GNA14: variants seen among roughly 807,000 people sequenced by gnomAD.
GNA14 encodes G protein subunit alpha 14.
GNA14 carries 50 observed loss-of-function variants against 42.0 expected under a neutral mutation model. That is an observed-to-expected ratio of 1.19 (90% CI 0.95 to 1.51). GNA14 has a LOEUF of 1.51. Ranked by LOEUF, GNA14 falls within the 40% of genes most tolerant of loss-of-function variation. GNA14 has a pLI of 0.00. For missense variants in GNA14, 473 were observed against 446.2 expected (o/e 1.06, Z -0.54); for synonymous variants, 173 against 163.1 (o/e 1.06, Z -0.46).
chr9:77,529,109 A>C lies in GNA14; in HGVS notation c.269T>G (p.Met90Arg). Residue 90 changes from methionine to arginine, a missense_variant, in exon 2 of 7, where the codon ATG becomes AGG. Coordinates refer to ENST00000341700, the MANE Select transcript of GNA14 (RefSeq NM_004297.4). ...FTAMQAMIRAMDTLRIQYVCE... is the reference protein window; with the variant it reads ...FTAMQAMIRARDTLRIQYVCE... Reference sequence around the variant, plus strand: ...CACATACTGTATCCTTAGCGTGTCCATCGCTCTGATCATGGCTTGCATGGC... The same window carrying C: ...CACATACTGTATCCTTAGCGTGTCCCTCGCTCTGATCATGGCTTGCATGGC... The C allele has an allele frequency of 1.2e-6, 2 of 1,614,206 alleles. No homozygotes were observed. The highest frequency in any genetic ancestry group is 1.7e-6 in the Non-Finnish European group (2 of 1,180,012).
At chr9:77,572,982 T>C (rs926395347) in intron 1 of GNA14, among the ~76,000 whole-genome samples, 1 of 152,194 alleles carries the variant, frequency 6.6e-6, no homozygotes, top group African/African-American at 2.4e-5. Context: ...CAATATACTG[T>C]CGACGCTAAA....
Position 77,643,005 on chromosome 9 carries a change from C to A in GNA14, c.124+4665G>T, listed in dbSNP as rs573126994. 5.9e-5 allele frequency among the ~76,000 whole-genome samples: 9 copies of A among 152,252 alleles called. No individual in the cohort carries two copies. The South Asian group carries it at 1.9e-3, about 32-fold the overall frequency. ...TCAGATGATGCCTCCTCCAGAGGCT[C>A]CCCCTTTACGCTCTGCCTGTTCTAC... On this transcript the variant is annotated intron_variant, in intron 1 of 6. Coordinates refer to ENST00000341700, the MANE Select transcript of GNA14 (RefSeq NM_004297.4).
At chr9:77,511,770 C>T (rs1837174617) in intron 2 of GNA14, among the ~76,000 whole-genome samples, 1 of 152,128 alleles carries the variant, frequency 6.6e-6, no homozygotes, top group African/African-American at 2.4e-5. Flanking sequence ...TTCCTGCAGC[C>T]TCAGTGAGCT....
At chr9:77,452,702 G>A (rs1359156015) in intron 2 of GNA14, among the ~76,000 whole-genome samples, 1 of 15,024 alleles carries the variant, frequency 6.7e-5, no homozygotes, top group East Asian at 1.5e-3. Flanking sequence ...GATCTGCTGT[G>A]GTCTGAAAGT....
chr9:77,555,918 C>G (rs1822768831), intron 1 of GNA14, among the ~76,000 whole-genome samples: 1 of 152,098 alleles, frequency 6.6e-6, no homozygotes, highest in Non-Finnish European at 1.5e-5. Flanking sequence ...CCTAATGAGT[C>G]TCATAATACC....
At chr9:77,599,767 A>G (rs1823524843) in intron 1 of GNA14, among the ~76,000 whole-genome samples, 1 of 152,136 alleles carries the variant, frequency 6.6e-6, no homozygotes, top group African/African-American at 2.4e-5. Context: ...TCCTAGTGAG[A>G]CATCCCTTCC....
chr9:77,606,924 C>T (rs775517890), intron 1 of GNA14, among the ~76,000 whole-genome samples: 1 of 152,090 alleles, frequency 6.6e-6, no homozygotes, highest in Non-Finnish European at 1.5e-5. Flanking sequence ...GGAAGAGACA[C>T]CAGAATTTCT....
chr9:77,641,264 C>A lies in GNA14; in HGVS notation c.124+6406G>T, dbSNP rs1028130428. The stretch of plus-strand genomic sequence containing the variant: ...GAGTTGGAAAATCATTCTGCAGATA[C>A]CATGTTATAGATTGGATCAACTGGA... On this transcript the variant is annotated intron_variant, in intron 1 of 6. Coordinates refer to ENST00000341700, the MANE Select transcript of GNA14 (RefSeq NM_004297.4). 3.3e-5 allele frequency among the ~76,000 whole-genome samples: 5 copies of A among 151,404 alleles called. No individual in the cohort carries two copies. The South Asian group carries it at 1.0e-3, about 32-fold the overall frequency.
Position 77,550,774 on chromosome 9 carries a change from G to A in GNA14, c.125-21521C>T, listed in dbSNP as rs183054902. On this transcript the variant is annotated intron_variant, in intron 1 of 6. Coordinates refer to ENST00000341700, the MANE Select transcript of GNA14 (RefSeq NM_004297.4). ...GGTGGAAATGAGATGGGCTTGACAA[G>A]GCTTTGTTAAGGTCAGGTTGTCCAC... Among the ~76,000 whole-genome samples, 19 of 152,302 alleles carry A rather than the reference G, an allele frequency of 1.2e-4. No individual in the cohort carries two copies. In the East Asian group the frequency reaches 3.7e-3, roughly 29 times the overall value.
chr9:77,607,864 T>C (rs181469247), intron 1 of GNA14, among the ~76,000 whole-genome samples: 5 of 152,270 alleles, frequency 3.3e-5, no homozygotes, highest in East Asian at 1.9e-4. Context: ...GCTAATCTCA[T>C]TGGACTGGGA....
chr9:77,439,802 G>A (rs890662742), intron 2 of GNA14, among the ~76,000 whole-genome samples: 1 of 152,122 alleles, frequency 6.6e-6, no homozygotes, highest in East Asian at 1.9e-4. Context: ...ATGCGCTGTG[G>A]GGAAAGCATT....
At chr9:77,553,873 A>G (rs1363745192) in intron 1 of GNA14, among the ~76,000 whole-genome samples, 1 of 152,088 alleles carries the variant, frequency 6.6e-6, no homozygotes, top group African/African-American at 2.4e-5. Flanking sequence ...CAAAAATGAG[A>G]AAAAAAATAA....
intron 2 of GNA14, among the ~76,000 whole-genome samples, chr9:77,488,309 G>C (rs1219867454): frequency 6.6e-6 from 1 of 152,180 alleles, no homozygotes; most frequent in African/African-American, 2.4e-5. Flanking sequence ...TTCTACACTG[G>C]AAAGAGTAAA....
intron 2 of GNA14, among the ~76,000 whole-genome samples, chr9:77,439,491 A>T (rs753046981): frequency 6.6e-6 from 1 of 152,128 alleles, no homozygotes; most frequent in Admixed American, 6.5e-5. Context: ...TACAAAAATT[A>T]TCTGGGCATG....
At chr9:77,595,002 G>A (rs140301250) in intron 1 of GNA14, among the ~76,000 whole-genome samples, 11 of 152,236 alleles carry the variant, frequency 7.2e-5, no homozygotes, top group East Asian at 1.9e-4. Context: ...CTGTTGCCTC[G>A]CTCATTTCAC....
intron 2 of GNA14, among the ~76,000 whole-genome samples, chr9:77,478,379 A>C (rs1232698907): frequency 2.0e-5 from 3 of 152,170 alleles, no homozygotes; most frequent in African/African-American, 7.2e-5. Flanking sequence ...ATGGCTGCAT[A>C]GTATTCCATG....
At chr9:77,500,847 C>T (rs554716479) in intron 2 of GNA14, among the ~76,000 whole-genome samples, 20 of 152,152 alleles carry the variant, frequency 1.3e-4, no homozygotes, top group Non-Finnish European at 2.4e-4. Flanking sequence ...CAGTTTTTGG[C>T]TATTACAAAT....
chr9:77,482,535 G>C (rs1836574199), intron 2 of GNA14, among the ~76,000 whole-genome samples: 1 of 152,034 alleles, frequency 6.6e-6, no homozygotes. Flanking sequence ...TAAGTGTCTT[G>C]GAGTTGCTCG....
chr9:77,585,077 T>C (rs568907470), intron 1 of GNA14, among the ~76,000 whole-genome samples: 1 of 152,300 alleles, frequency 6.6e-6, no homozygotes, highest in South Asian at 2.1e-4. Flanking sequence ...CATCTGGAAA[T>C]GCAGCCCAGT....
Sources: allele counts gnomAD v4.1 joint callset (sites outside exome capture counted in the v4.1 genomes callset), GRCh38; gene constraint gnomAD v4.1.1; transcripts MANE v1.5; gene names NCBI Gene and HGNC (gene_info 2026-07-23, HGNC 2026-07-21).